Variants in EREG observed in about 807,000 individuals in gnomAD.
EREG encodes epiregulin.
Under a neutral mutation model 22.4 loss-of-function variants are expected in EREG, and 23 were observed. The ratio of observed to expected loss-of-function variants is 1.03; its 90% CI spans 0.74 to 1.46. The LOEUF is 1.46. Among genes scored for constraint, EREG ranks in the 40% most tolerant of loss-of-function variants. The probability of loss-of-function intolerance (pLI) is 0.00; values close to 1 mark genes in which losing one functional copy is unlikely to be tolerated. For missense variants in EREG, 226 were observed against 205.9 expected (o/e 1.10, Z -0.60); for synonymous variants, 100 against 75.4 (o/e 1.33, Z -1.69).
chr4:74,388,453 A>G lies in EREG; in HGVS notation c.*3645A>G, dbSNP rs1181539538. On this transcript the variant is annotated 3_prime_UTR_variant, in exon 5 of 5. Transcript: ENST00000244869. Reference sequence around the variant, plus strand: ...TTTTCTTTTTATTTTGCACTCTGTAATTGCACTTTTTAAGTTTGAAGAGCC... The same window carrying G: ...TTTTCTTTTTATTTTGCACTCTGTAGTTGCACTTTTTAAGTTTGAAGAGCC... The G allele has an allele frequency of 6.6e-6, 1 of 152,514 alleles. No homozygotes were observed. 9.4% of individuals were successfully genotyped at this position (152,514 alleles called of 1,614,324 possible).
chr4:74,372,375 T>C (rs565760702), intron 1 of EREG, among the ~76,000 whole-genome samples: 11 of 152,362 alleles, frequency 7.2e-5, no homozygotes, highest in Middle Eastern at 3.4e-3. Flanking sequence ...TAAAACTTTA[T>C]CCTTGCAGAT....
chr4:74,373,333 G>A (rs1752325445), intron 1 of EREG, among the ~76,000 whole-genome samples: 2 of 152,014 alleles, frequency 1.3e-5, no homozygotes, highest in Middle Eastern at 3.4e-3. Context: ...ATAACTTAAT[G>A]CTTATGACTA....
intron 1 of EREG, among the ~76,000 whole-genome samples, chr4:74,366,467 A>T (rs1010538181): frequency 6.6e-6 from 1 of 152,204 alleles, no homozygotes; most frequent in Non-Finnish European, 1.5e-5. Flanking sequence ...TGGAAACTAG[A>T]TATGTGGTTT....
At chr4:74,380,914 CTTG>C (rs1402341493) in intron 2 of EREG, 97 bp from the exon 3 acceptor site, 7 of 1,293,636 alleles carry the variant, frequency 5.4e-6, no homozygotes, top group Admixed American at 2.1e-5. Context: ...TGGCATCTGA[CTTG>C]TTGTGTAGAA....
intron 1 of EREG, among the ~76,000 whole-genome samples, chr4:74,367,532 C>T (rs1752207155): frequency 6.6e-6 from 1 of 152,040 alleles, no homozygotes; most frequent in Non-Finnish European, 1.5e-5. Flanking sequence ...TTATTCATGC[C>T]TACATGGGTT....
rs1162768229 is a variant in EREG at position 74,385,992 on chromosome 4, A to G, written c.*1184A>G. ...AAAGCTTTTAAAATGTAGAAACTTA[A>G]ACACACCTTCCTGTGGAGGCTGAGA... On this transcript the variant is annotated 3_prime_UTR_variant, in exon 5 of 5. Coordinates refer to ENST00000244869, the MANE Select transcript of EREG (RefSeq NM_001432.3). 1 of 377,708 alleles carries G rather than the reference A, an allele frequency of 2.6e-6. No homozygotes were observed. Among genetic ancestry groups the G allele is most frequent in the Admixed American group, 4.6e-5 (1 of 21,946 alleles). 23.4% of individuals were successfully genotyped at this position (377,708 alleles called of 1,614,324 possible). A position where few individuals can be genotyped will look rare whatever the true frequency, so the allele number is the denominator to read the frequency against.
intron 1 of EREG, among the ~76,000 whole-genome samples, chr4:74,379,149 G>A (rs528373592): frequency 4.6e-5 from 7 of 152,244 alleles, no homozygotes; most frequent in African/African-American, 1.4e-4. Context: ...ACTGATGTGC[G>A]TCTTAAGAAA....
chr4:74,382,497 C>G, intron 3 of EREG, 148 bp from the exon 4 acceptor site: 1 of 599,968 alleles, frequency 1.7e-6, no homozygotes. Flanking sequence ...ACTGGTCTAA[C>G]TCAATCTTTG....
chr4:74,371,052 C>T (rs1211424947), intron 1 of EREG, among the ~76,000 whole-genome samples: 1 of 152,040 alleles, frequency 6.6e-6, no homozygotes, highest in Non-Finnish European at 1.5e-5. Context: ...AGTAGCATCC[C>T]CAGTCGTGAC....
intron 1 of EREG, among the ~76,000 whole-genome samples, chr4:74,375,712 C>T (rs1752370328): frequency 6.6e-6 from 1 of 152,108 alleles, no homozygotes; most frequent in South Asian, 2.1e-4. Context: ...ATCGCATTCA[C>T]TCTTCTACCC....
chr4:74,366,037 C>A (rs1258324830), intron 1 of EREG, among the ~76,000 whole-genome samples: 5 of 152,088 alleles, frequency 3.3e-5, no homozygotes, highest in Admixed American at 6.5e-5. Flanking sequence ...CCCAAGCAGC[C>A]TCTGGAGCAA....
chr4:74,381,195 G>A (rs1752468893), intron 3 of EREG, 58 bp downstream of exon 3: 1 of 1,493,636 alleles, frequency 6.7e-7, no homozygotes, highest in African/African-American at 1.4e-5. Context: ...TAGATTTAGG[G>A]GTACAAGTGC....
At chr4:74,379,298 C>T (rs756782951) in intron 1 of EREG, 150 bp from the exon 2 acceptor site, 5 of 533,132 alleles carry the variant, frequency 9.4e-6, no homozygotes, top group Admixed American at 9.2e-5. Context: ...TGTTACATGC[C>T]TGTTTCCATG....
At chr4:74,369,939 A>G (rs1752262265) in intron 1 of EREG, among the ~76,000 whole-genome samples, 1 of 151,990 alleles carries the variant, frequency 6.6e-6, no homozygotes, top group African/African-American at 2.4e-5. Context: ...CATCATAAAA[A>G]TGGTTTCTTA....
chr4:74,369,498 G>T (rs1024467168), intron 1 of EREG, among the ~76,000 whole-genome samples: 6 of 152,086 alleles, frequency 3.9e-5, no homozygotes, highest in African/African-American at 1.4e-4. Context: ...CATCCAATTT[G>T]CTGCGAAAGA....
At chr4:74,372,935 G>A (rs1325821222) in intron 1 of EREG, among the ~76,000 whole-genome samples, 1 of 144,448 alleles carries the variant, frequency 6.9e-6, no homozygotes, top group African/African-American at 2.6e-5. Context: ...AGCCTCCCGA[G>A]TAGTTGGGAC....
chr4:74,377,974 A>G (rs1578820441), intron 1 of EREG, among the ~76,000 whole-genome samples: 1 of 152,202 alleles, frequency 6.6e-6, no homozygotes, highest in Non-Finnish European at 1.5e-5. Context: ...ACTGGTACAT[A>G]GTACATGTTC....
At chr4:74,365,481 G>A (rs1047674957) in intron 1 of EREG, 106 bp downstream of exon 1, 10 of 715,662 alleles carry the variant, frequency 1.4e-5, no homozygotes, top group Non-Finnish European at 1.8e-5. Flanking sequence ...CCAGGTTCAA[G>A]TGTGCTCTAT....
intron 4 of EREG, 32 bp from the exon 5 acceptor site, chr4:74,384,695 G>T (rs1377526048): frequency 7.6e-7 from 1 of 1,317,396 alleles, no homozygotes; most frequent in South Asian, 1.2e-5. Flanking sequence ...ATTAACTGCA[G>T]TGCTAACAGT....
Sources: allele counts gnomAD v4.1 joint callset (sites outside exome capture counted in the v4.1 genomes callset), GRCh38; gene constraint gnomAD v4.1.1; transcripts MANE v1.5; gene names NCBI Gene and HGNC (gene_info 2026-07-23, HGNC 2026-07-21).